The following SYNJ2 variants were observed in gnomAD, a reference collection of about 807,000 sequenced individuals.
SYNJ2 encodes polyphosphatidylinositol phosphatase SYNJ2.
A neutral mutation model predicts 141.3 loss-of-function variants in SYNJ2; 116 were observed. That is an observed-to-expected ratio of 0.82 (90% CI 0.71 to 0.96). The LOEUF is 0.96. Ranked by LOEUF, SYNJ2 falls within the 40% of genes least tolerant of loss-of-function variation. The pLI, the probability that SYNJ2 is intolerant of heterozygous loss-of-function variation, is 0.00. For synonymous variants in SYNJ2, 745 were observed against 777.7 expected (o/e 0.96, Z 0.70); for missense variants, 1,873 against 1,934.8 (o/e 0.97, Z 0.60).
chr6:158,084,183 A>G lies in SYNJ2; in HGVS notation c.3208+9A>G, dbSNP rs759478922. 1 of 1,609,816 alleles carries G rather than the reference A, an allele frequency of 6.2e-7. No homozygotes were observed. Among genetic ancestry groups the G allele is most frequent in the Non-Finnish European group, 8.5e-7 (1 of 1,177,516 alleles). ...GCATCCAACGTACAAAGGTAGCCTG[A>G]CCCTTCTTTTCTCAGGAGCCTCAGC... On this transcript the variant is annotated intron_variant, in intron 22 of 26. Transcript: ENST00000355585. This position sits in a 1 kb window ranked among gnomAD's most constrained non-coding sequence, Gnocchi z 5.0.
intron 1 of SYNJ2, among the ~76,000 whole-genome samples, chr6:157,984,481 A>T (rs927747384): frequency 3.9e-5 from 6 of 151,922 alleles, no homozygotes; most frequent in African/African-American, 1.5e-4. Flanking sequence ...TGACTGCAAC[A>T]CCGCCACCCC....
intron 5 of SYNJ2, among the ~76,000 whole-genome samples, chr6:158,048,115 AG>A (rs541182044): frequency 7.2e-4 from 110 of 152,300 alleles, no homozygotes; most frequent in African/African-American, 2.5e-3. Context: ...TGCCAGGTGT[AG>A]GGGGCACCAG....
chr6:158,069,789 C>G, intron 14 of SYNJ2, 116 bp downstream of exon 14: 1 of 1,275,982 alleles, frequency 7.8e-7, no homozygotes. Flanking sequence ...TCGGGACTTA[C>G]CATTATTTTA....
intron 4 of SYNJ2, among the ~76,000 whole-genome samples, chr6:158,041,932 C>G (rs1779969949): frequency 6.6e-6 from 1 of 152,238 alleles, no homozygotes; most frequent in Admixed American, 6.5e-5. Context: ...CCAGGCTGGT[C>G]TCGAACTTTT....
At chr6:158,061,547 C>T (rs1035413501) in intron 7 of SYNJ2, among the ~76,000 whole-genome samples, 1 of 152,162 alleles carries the variant, frequency 6.6e-6, no homozygotes, top group East Asian at 1.9e-4. Context: ...GAGGCTGGTG[C>T]GCGGCAGGAT....
chr6:158,019,508 G>T (rs961082536), intron 2 of SYNJ2, among the ~76,000 whole-genome samples: 1 of 152,210 alleles, frequency 6.6e-6, no homozygotes, highest in African/African-American at 2.4e-5. Context: ...AGCGAGCCAG[G>T]GTGTCTGCGG....
Position 158,081,340 on chromosome 6 carries a change from C to CT in SYNJ2, c.2786+14dup. ...TTGTTCTTGTCAGGTAACTGCTCCC[C>CT]TGGCTGATGTGGGTTCCAGGGGATG... On this transcript the variant is annotated intron_variant, in intron 19 of 26. Coordinates refer to ENST00000355585, the MANE Select transcript of SYNJ2 (RefSeq NM_003898.4). 1 of 1,614,058 alleles carries CT rather than the reference C, an allele frequency of 6.2e-7. No individual in the cohort carries two copies. The highest frequency in any genetic ancestry group is 1.7e-5 in the Admixed American group (1 of 60,024).
intron 1 of SYNJ2, among the ~76,000 whole-genome samples, chr6:157,993,942 G>C (rs1187933075): frequency 1.3e-5 from 2 of 150,420 alleles, no homozygotes. Context: ...AGCCTCCCGA[G>C]TAGCTGGGAC....
At position 158,081,605 on chromosome 6, in the gene SYNJ2, CTTTTTTTTTTT is replaced by C. The variant is rs60234675; in HGVS notation, c.2865+115_2865+125del. 4.2e-5 allele frequency: 9 copies of C among 213,254 alleles called. No individual in the cohort carries two copies. In the East Asian group the frequency reaches 4.3e-4, roughly 10 times the overall value. 13.2% of individuals were successfully genotyped at this position (213,254 alleles called of 1,614,324 possible). On this transcript the variant is annotated intron_variant, in intron 20 of 26. Transcript: ENST00000355585. The stretch of plus-strand genomic sequence containing the variant: ...TTCCTCCTCTTGCCCTGACCTGTGC[CTTTTTTTTTTT>C]TTTTTTTTTTTTTTTTTTTCTCTGA...
chr6:157,991,973 A>T (rs1562309878), intron 1 of SYNJ2, among the ~76,000 whole-genome samples: 1 of 152,188 alleles, frequency 6.6e-6, no homozygotes, highest in Non-Finnish European at 1.5e-5. Flanking sequence ...AAAAGCCATG[A>T]CTTTTTAAAA....
intron 1 of SYNJ2, among the ~76,000 whole-genome samples, chr6:158,007,664 C>A (rs953029102): frequency 6.6e-6 from 1 of 152,014 alleles, no homozygotes; most frequent in Non-Finnish European, 1.5e-5. Context: ...TTGTTTTAGA[C>A]GGAGTTTCGC....
rs200978099 is a variant in SYNJ2 at position 158,086,805 on chromosome 6, G to A, written c.3209-50G>A. The A allele has an allele frequency of 7.1e-5, 113 of 1,585,484 alleles. No homozygotes were observed. In the African/African-American group the frequency reaches 1.3e-3, roughly 19 times the overall value. On this transcript the variant is annotated intron_variant, in intron 22 of 26. Coordinates refer to ENST00000355585, the MANE Select transcript of SYNJ2 (RefSeq NM_003898.4). ...CTGTGCTCAGATCCGTGTCTGACACGCTCACGTGTGGAACAGACCATTGTA... is the reference window on the plus strand; with the variant it reads ...CTGTGCTCAGATCCGTGTCTGACACACTCACGTGTGGAACAGACCATTGTA...
chr6:158,088,570 C>T, intron 23 of SYNJ2, 90 bp from the exon 24 acceptor site: 3 of 917,062 alleles, frequency 3.3e-6, no homozygotes, highest in Non-Finnish European at 3.6e-6. Context: ...TCTGCTGGGA[C>T]ATCCGCCTCG....
chr6:158,090,488 T>C (rs1783360929), intron 25 of SYNJ2, among the ~76,000 whole-genome samples: 2 of 152,120 alleles, frequency 1.3e-5, no homozygotes, highest in African/African-American at 2.4e-5. Flanking sequence ...GCCTTGGCTT[T>C]GTTCCAGAAT....
At chr6:158,021,064 T>C (rs1778743026) in intron 2 of SYNJ2, among the ~76,000 whole-genome samples, 1 of 152,114 alleles carries the variant, frequency 6.6e-6, no homozygotes, top group African/African-American at 2.4e-5. Flanking sequence ...ACAAAGCATA[T>C]TAAGTGAGAA....
At chr6:158,000,737 G>A (rs968685722) in intron 1 of SYNJ2, among the ~76,000 whole-genome samples, 1 of 151,790 alleles carries the variant, frequency 6.6e-6, no homozygotes, top group African/African-American at 2.4e-5. Context: ...CACTGTGGTC[G>A]GCCTCTTCTT....
At position 158,098,534 on chromosome 6, in the gene SYNJ2, C is replaced by CT. The variant is rs1311425423; in HGVS notation, c.*2172dup. On this transcript the variant is annotated 3_prime_UTR_variant, in exon 27 of 27. Transcript: ENST00000355585. Reference sequence around the variant, plus strand: ...GGTATGGTTCTCATACCAGAATTCTCTTAAAAAAAAAAAAAAGGACAATTG... The same window carrying CT: ...GGTATGGTTCTCATACCAGAATTCTCTTTAAAAAAAAAAAAAAGGACAATTG... 2.1e-5 allele frequency: 3 copies of CT among 140,636 alleles called. No individual in the cohort carries two copies. Among genetic ancestry groups the CT allele is most frequent in the African/African-American group, 8.0e-5 (3 of 37,528 alleles). 8.7% of individuals were successfully genotyped at this position (140,636 alleles called of 1,614,324 possible).
rs367631441 is a variant in SYNJ2, at chr6:158,071,776, G to A, written c.2115G>A (p.Gln705=). ...ERNEDYKEIT[Q]KLCFPMGRNV... ...ATGAAGACTACAAGGAGATCACCCA[G>A]AAACTCTGCTTCCCAATGGTGAGCG... is the stretch of plus-strand genomic sequence containing the variant. The change falls in exon 15 of 27, where the codon CAG becomes CAA. Residue 705 remains glutamine (Q), a synonymous_variant. Coordinates refer to ENST00000355585, the MANE Select transcript of SYNJ2 (RefSeq NM_003898.4). The surrounding 1 kb of genome is among the most constrained non-coding windows in gnomAD (Gnocchi z 4.3). The A allele has an allele frequency of 2.5e-6, 4 of 1,613,486 alleles. No homozygotes were observed. In the African/African-American group the frequency reaches 5.3e-5, roughly 22 times the overall value.
rs762120391 is a variant in SYNJ2, at chr6:158,095,848, G to A, written c.3975G>A (p.Ala1325=). ...CCTCTGTGCCACCACCTCTGGAGGCGCCGCCTCTTGTGCCCAAGGTACCCC... is the reference window on the plus strand; with the variant it reads ...CCTCTGTGCCACCACCTCTGGAGGCACCGCCTCTTGTGCCCAAGGTACCCC... The part of the protein sequence containing the change: ...AGASVPPPLE[A]PPLVPKVPPR... The change falls in exon 27 of 27, where the codon GCG becomes GCA. Residue 1325 remains alanine, a synonymous_variant. Transcript: ENST00000355585. 1.2e-5 allele frequency: 20 copies of A among 1,613,946 alleles called. No homozygotes were observed. The highest frequency in any genetic ancestry group is 6.7e-5 in the East Asian group (3 of 44,896).
Sources: gnomAD v4.1 joint callset for allele counts (sites outside exome capture counted in the v4.1 genomes callset) on GRCh38, gnomAD v4.1.1 for gene constraint, Gnocchi (gnomAD v3.1) non-coding constraint, MANE v1.5 for transcripts, NCBI Gene and HGNC (gene_info 2026-07-23, HGNC 2026-07-21) for gene names.